Variants in RALYL observed in about 807,000 individuals in gnomAD.
The protein encoded by RALYL is RALY RNA binding protein like.
In RALYL, 29 loss-of-function variants were observed where a neutral mutation model predicts 35.1. The ratio of observed to expected loss-of-function variants is 0.83; its 90% CI spans 0.61 to 1.13. The LOEUF (loss-of-function observed/expected upper bound fraction) is 1.13, where lower values mean the gene tolerates loss of function less well. RALYL is among the 50% of genes most tolerant of loss of function. RALYL has a pLI of 0.00. For synonymous variants in RALYL, 120 were observed against 127.6 expected (o/e 0.94, Z 0.40); for missense variants, 359 against 360.4 (o/e 1.00, Z 0.03).
chr8:84,754,771 A>G (rs12547070), intron 2 of RALYL, among the ~76,000 whole-genome samples: 1 of 152,146 alleles, frequency 6.6e-6, no homozygotes, highest in Non-Finnish European at 1.5e-5. Flanking sequence ...ATGATTACTG[A>G]TAGATGCCAC....
rs1354031633 is a variant in RALYL at position 84,361,887 on chromosome 8, G to A, written c.-23-167412G>A. 5.9e-5 allele frequency among the ~76,000 whole-genome samples: 9 copies of A among 152,284 alleles called. No homozygotes were observed. The East Asian group carries it at 1.7e-3, about 29-fold the overall frequency. ...TAGGCCGGTTGGTGTAGTAGAAGAAGCCCCTGTTTTAGAGTGAGAAGTTTA... is the reference window on the plus strand; with the variant it reads ...TAGGCCGGTTGGTGTAGTAGAAGAAACCCCTGTTTTAGAGTGAGAAGTTTA... On this transcript the variant is annotated intron_variant, in intron 1 of 8. Coordinates refer to ENST00000521268, the MANE Select transcript of RALYL (RefSeq NM_173848.7).
At position 84,319,936 on chromosome 8, in the gene RALYL, A is replaced by G. The variant is rs139749469; in HGVS notation, c.-24+135512A>G. Among the ~76,000 whole-genome samples the G allele has an allele frequency of 8.5e-3, 1,294 of 152,170 alleles. 9 individuals carry two copies. Among genetic ancestry groups the G allele is most frequent in the Middle Eastern group, 0.021 (6 of 292 alleles). Reference sequence around the variant, plus strand: ...TATGTAACTAGTTCTGTTTTCTTCTATAGCTTATATTTATGTATAAAACTC... The same window carrying G: ...TATGTAACTAGTTCTGTTTTCTTCTGTAGCTTATATTTATGTATAAAACTC... On this transcript the variant is annotated intron_variant, in intron 1 of 8. Coordinates refer to ENST00000521268, the MANE Select transcript of RALYL (RefSeq NM_173848.7).
intron 4 of RALYL, among the ~76,000 whole-genome samples, chr8:84,824,279 C>A (rs1247025752): frequency 1.3e-5 from 2 of 149,104 alleles, no homozygotes; most frequent in East Asian, 3.9e-4. Flanking sequence ...AAAAATAAGT[C>A]AGTAAACAAA....
At chr8:84,514,090 T>TAAAAAAAAAAAAA (rs57881021) in intron 1 of RALYL, among the ~76,000 whole-genome samples, 4 of 41,142 alleles carry the variant, frequency 9.7e-5, no homozygotes, top group Non-Finnish European at 1.5e-4. Flanking sequence ...AGATTTCATC[T>TAAAAAAAAAAAAA]AAAAAAAAAA....
intron 1 of RALYL, among the ~76,000 whole-genome samples, chr8:84,259,160 G>C (rs544648139): frequency 6.6e-6 from 1 of 152,216 alleles, no homozygotes; most frequent in Non-Finnish European, 1.5e-5. Flanking sequence ...TAGGGCCAGA[G>C]GGCAGAAGTG....
chr8:84,638,158 C>A (rs1324946034), intron 2 of RALYL, among the ~76,000 whole-genome samples: 1 of 151,868 alleles, frequency 6.6e-6, no homozygotes, highest in Non-Finnish European at 1.5e-5. Context: ...ACCAAAAGAA[C>A]CTTCAAAACT....
intron 2 of RALYL, among the ~76,000 whole-genome samples, chr8:84,699,054 ATAGG>A (rs1474701134): frequency 6.7e-6 from 1 of 148,858 alleles, no homozygotes; most frequent in Non-Finnish European, 1.5e-5. Flanking sequence ...AGATAGATAG[ATAGG>A]ATAAATAGAT....
At chr8:84,358,523 TGAAA>T (rs1048715602) in intron 1 of RALYL, among the ~76,000 whole-genome samples, 2 of 151,976 alleles carry the variant, frequency 1.3e-5, no homozygotes, top group Non-Finnish European at 2.9e-5. Context: ...TAGTAAAAGA[TGAAA>T]GAAGAGATTA....
At chr8:84,740,178 A>G (rs934972400) in intron 2 of RALYL, among the ~76,000 whole-genome samples, 1 of 152,016 alleles carries the variant, frequency 6.6e-6, no homozygotes, top group African/African-American at 2.4e-5. Flanking sequence ...TCTGCGTTAT[A>G]CTTCGGGTGT....
At chr8:84,727,606 A>T (rs757089402) in intron 2 of RALYL, among the ~76,000 whole-genome samples, 1 of 148,252 alleles carries the variant, frequency 6.7e-6, no homozygotes, top group Non-Finnish European at 1.5e-5. Flanking sequence ...ATATCTCCCA[A>T]TGCTATCCCT....
At chr8:84,218,057 GA>G (rs141852389) in intron 1 of RALYL, among the ~76,000 whole-genome samples, 23 of 151,754 alleles carry the variant, frequency 1.5e-4, no homozygotes, top group Admixed American at 7.2e-4. Flanking sequence ...CATATTTTCT[GA>G]AAAAATATAA....
chr8:84,416,545 A>G (rs1175413573), intron 1 of RALYL, among the ~76,000 whole-genome samples: 1 of 152,164 alleles, frequency 6.6e-6, no homozygotes, highest in East Asian at 1.9e-4. Flanking sequence ...CTGGAAAGTG[A>G]CATTTTTACA....
intron 1 of RALYL, among the ~76,000 whole-genome samples, chr8:84,231,676 T>C (rs981797202): frequency 2.0e-5 from 3 of 152,248 alleles, no homozygotes; most frequent in Admixed American, 6.5e-5. Flanking sequence ...TGTTTATTTC[T>C]TACATACTTT....
At chr8:84,622,582 C>A (rs1588586249) in intron 2 of RALYL, among the ~76,000 whole-genome samples, 3 of 152,110 alleles carry the variant, frequency 2.0e-5, no homozygotes, top group Non-Finnish European at 2.9e-5. Context: ...GGACAACGCT[C>A]CACAGAGTCG....
intron 2 of RALYL, among the ~76,000 whole-genome samples, chr8:84,626,955 CT>C (rs1430895871): frequency 6.6e-6 from 1 of 152,124 alleles, no homozygotes; most frequent in Admixed American, 6.5e-5. Flanking sequence ...AATTAAACCC[CT>C]ATTCCAAGGA....
At chr8:84,772,174 T>C (rs1433824832) in intron 2 of RALYL, among the ~76,000 whole-genome samples, 2 of 152,106 alleles carry the variant, frequency 1.3e-5, no homozygotes, top group Non-Finnish European at 2.9e-5. Flanking sequence ...GCATGTACAG[T>C]TTTGTCATAT....
rs752829991 is a variant in RALYL at position 84,212,059 on chromosome 8, T to G, written c.-24+27635T>G. Among the ~76,000 whole-genome samples, 124 of 152,292 alleles carry G rather than the reference T, an allele frequency of 8.1e-4. 1 individual carries two copies. The highest frequency in any genetic ancestry group is 1.4e-3 in the Non-Finnish European group (94 of 68,016). On this transcript the variant is annotated intron_variant, in intron 1 of 8. Coordinates refer to ENST00000521268, the MANE Select transcript of RALYL (RefSeq NM_173848.7). ...TCAGGCAGTTTTAGTTCAAATTTTG[T>G]GTTCTTAACAATTGTGAATTCTGCC...
chr8:84,520,120 A>G (rs948063402), intron 1 of RALYL, among the ~76,000 whole-genome samples: 3 of 152,246 alleles, frequency 2.0e-5, no homozygotes, highest in Non-Finnish European at 2.9e-5. Context: ...CCCGCAGTAA[A>G]ACAAAACAAA....
Position 84,895,830 on chromosome 8 carries a change from G to T in RALYL, c.858+8054G>T, listed in dbSNP as rs575390357. ...CCAGGCCTGTATTTTCTGTTTTATT[G>T]TCCTACTTAACTTCATGCATTTAAT... On this transcript the variant is annotated intron_variant, in intron 8 of 8. Coordinates refer to ENST00000521268, the MANE Select transcript of RALYL (RefSeq NM_173848.7). 3.3e-5 allele frequency among the ~76,000 whole-genome samples: 5 copies of T among 152,122 alleles called. No homozygotes were observed. The South Asian group carries it at 1.0e-3, about 32-fold the overall frequency.
Sources: gnomAD v4.1 joint callset for allele counts (sites outside exome capture counted in the v4.1 genomes callset) on GRCh38, gnomAD v4.1.1 for gene constraint, MANE v1.5 for transcripts, NCBI Gene and HGNC (gene_info 2026-07-23, HGNC 2026-07-21) for gene names.